EXOSC10: variants seen among roughly 807,000 people sequenced by gnomAD.
EXOSC10 encodes the protein exosome component 10.
EXOSC10 carries 94 observed loss-of-function variants against 126.6 expected under a neutral mutation model. The ratio of observed to expected loss-of-function variants is 0.74; its 90% CI spans 0.63 to 0.88. The LOEUF is 0.88. EXOSC10 is among the 40% of genes least tolerant of loss of function. The probability of loss-of-function intolerance (pLI) is 0.00; values close to 1 mark genes in which losing one functional copy is unlikely to be tolerated. For synonymous variants in EXOSC10, 395 were observed against 400.8 expected, an observed-to-expected ratio of 0.99 and a Z score of 0.17; for missense variants, 1,041 against 1,100.5, an observed-to-expected ratio of 0.95 and a Z score of 0.77.
At position 11,087,767 on chromosome 1, in the gene EXOSC10, TA is replaced by T. The variant is rs767127048; in HGVS notation, c.945+32del. 12 of 1,560,798 alleles carry T rather than the reference TA, an allele frequency of 7.7e-6. No homozygotes were observed. In the African/African-American group the frequency reaches 1.5e-4, roughly 20 times the overall value. ...CAACAGGTGAACTCACAGAAAAATG[TA>T]AAAATTTTACCCAGGGTCATTTATA... On this transcript the variant is annotated intron_variant, in intron 8 of 24. Transcript: ENST00000376936.
rs968535194 is a variant in EXOSC10 at position 11,077,599 on chromosome 1, A to G, written c.1800+2T>C. 1 of 1,613,770 alleles carries G rather than the reference A, an allele frequency of 6.2e-7. No homozygotes were observed. Among genetic ancestry groups the G allele is most frequent in the African/African-American group, 1.3e-5 (1 of 74,890 alleles). Reference sequence around the variant, plus strand: ...GGGGAGAAAACAGATCCGACACTCTACCTCAGCACTGGGCAGCGGTCCGCT... The same window carrying G: ...GGGGAGAAAACAGATCCGACACTCTGCCTCAGCACTGGGCAGCGGTCCGCT... On this transcript the variant is annotated splice_donor_variant, in intron 15 of 24. Transcript: ENST00000376936. LOFTEE classifies it high-confidence loss of function.
At chr1:11,070,625 C>T (rs1345119633) in intron 21 of EXOSC10, 1 of 382,964 alleles carries the variant, frequency 2.6e-6, no homozygotes, top group African/African-American at 2.1e-5. Flanking sequence ...CAAGCTTCAG[C>T]ACTGTAACCT....
At position 11,074,547 on chromosome 1, in the gene EXOSC10, G is replaced by C. The variant is rs1034609649; in HGVS notation, c.1987-221C>G. On this transcript the variant is annotated intron_variant, in intron 17 of 24. Transcript: ENST00000376936. The stretch of plus-strand genomic sequence containing the variant: ...CCTGCCTCAGCCTCCTGAGTAGCTG[G>C]GATTACAGGCACGTGCCACCATGCC... 9.0e-4 allele frequency among the ~76,000 whole-genome samples: 137 copies of C among 151,992 alleles called. 1 individual carries two copies. The highest frequency in any genetic ancestry group is 3.2e-3 in the African/African-American group (133 of 41,446).
chr1:11,090,935 A>T, intron 5 of EXOSC10, 79 bp downstream of exon 5: 1 of 1,466,954 alleles, frequency 6.8e-7, no homozygotes, highest in Non-Finnish European at 9.3e-7. Context: ...TGAACAAAGA[A>T]GAGAGACCTG....
At chr1:11,079,952 A>C (rs1640054140) in intron 13 of EXOSC10, 130 bp from the exon 14 acceptor site, 2 of 730,984 alleles carry the variant, frequency 2.7e-6, no homozygotes, top group Admixed American at 2.4e-5. Context: ...GTGACTAAGG[A>C]AACACTGATG....
In EXOSC10 at chr1:11,087,199, T is replaced by C. The variant is rs143708146; in HGVS notation, c.1089+249A>G. ...GTACAGTCATCAAGTCCAAACAATC[T>C]TGATGGCTGGGGCTCACTGCAGTAG... On this transcript the variant is annotated intron_variant, in intron 9 of 24. Transcript: ENST00000376936. 8.3e-3 allele frequency among the ~76,000 whole-genome samples: 1,263 copies of C among 152,324 alleles called. 25 individuals carry two copies. Among genetic ancestry groups the C allele is most frequent in the African/African-American group, 0.029 (1,196 of 41,572 alleles).
At chr1:11,089,886 G>C (rs1019905157) in intron 6 of EXOSC10, among the ~76,000 whole-genome samples, 2 of 152,104 alleles carry the variant, frequency 1.3e-5, no homozygotes, top group Non-Finnish European at 2.9e-5. Flanking sequence ...AAAGGCTGTA[G>C]TGAGCTGTGT....
In EXOSC10 at chr1:11,098,033, T is replaced by C. The variant is rs1480463170; in HGVS notation, c.235A>G (p.Arg79Gly). ...FQAFCETQGDRLLQCMSRVMQ... is the reference protein window; with the variant it reads ...FQAFCETQGDGLLQCMSRVMQ... ...TACAGTACTTACCACTGAAGCAACC[T>C]GTCTCCCTGTGTTTCGCAAAATGCT... Residue 79 changes from arginine (R) to glycine (G), a missense_variant, in exon 2 of 25, where the codon AGG (arginine) becomes GGG (glycine). Arg to Gly is a moderately radical substitution (Grantham distance 125, BLOSUM62 -2). This residue lies in a region of EXOSC10 where 645 missense variants were observed against 656.3 expected (regional missense o/e 0.98). Coordinates refer to ENST00000376936, the MANE Select transcript of EXOSC10 (RefSeq NM_001001998.3). The C allele has an allele frequency of 6.2e-7, 1 of 1,609,562 alleles. No homozygotes were observed.
chr1:11,077,919 A>G (rs1412545904), intron 14 of EXOSC10, among the ~76,000 whole-genome samples: 2 of 152,190 alleles, frequency 1.3e-5, no homozygotes, highest in Non-Finnish European at 2.9e-5. Context: ...TTCTCTAGTA[A>G]TCAAGGTCTC....
chr1:11,069,431 C>A lies in EXOSC10; in HGVS notation c.2488+128G>T, dbSNP rs561556949. On this transcript the variant is annotated intron_variant, in intron 22 of 24. Coordinates refer to ENST00000376936, the MANE Select transcript of EXOSC10 (RefSeq NM_001001998.3). ...ATTGCCACGGCCTCTCTGGACTACT[C>A]CAACAATTCCTGGCTAGCACCATGC... 549 of 1,133,916 alleles carry A rather than the reference C, an allele frequency of 4.8e-4. 4 individuals carry two copies. In the South Asian group the frequency reaches 6.2e-3, roughly 13 times the overall value. 70.2% of individuals were successfully genotyped at this position (1,133,916 alleles called of 1,614,324 possible). A position where few individuals can be genotyped will look rare whatever the true frequency, so the allele number is the denominator to read the frequency against.
At chr1:11,079,632 G>A in intron 14 of EXOSC10, 79 bp downstream of exon 14, 1 of 1,205,090 alleles carries the variant, frequency 8.3e-7, no homozygotes, top group South Asian at 1.3e-5. Flanking sequence ...GACCTGAAAT[G>A]ATCCAGCCAC....
In EXOSC10 at chr1:11,082,793, G is replaced by C; in HGVS notation, c.1175C>G (p.Ala392Gly). 6.2e-7 allele frequency: 1 copy of C among 1,614,186 alleles called. No individual in the cohort carries two copies. Among genetic ancestry groups the C allele is most frequent in the South Asian group, 1.1e-5 (1 of 91,080 alleles). Residue 392 changes from alanine (A) to glycine (G), a missense_variant, in exon 10 of 25, where the codon GCA becomes GGA. Around this residue, in one of 3 missense-constraint regions of EXOSC10, gnomAD observed 645 missense variants for 656.3 expected, o/e 0.98. Transcript: ENST00000376936. ...CCTGCCCAGGTTAAGAAGGCGTGCT[G>C]CCTGATGAGTATCAAACATGTTTAC... ...YVVNMFDTHQAARLLNLGRHS... is the reference protein window; with the variant it reads ...YVVNMFDTHQGARLLNLGRHS...
intron 19 of EXOSC10, chr1:11,073,007 AAAGT>A (rs1275243273): frequency 6.6e-6 from 1 of 152,262 alleles, no homozygotes; most frequent in Non-Finnish European, 1.5e-5. Flanking sequence ...TAAGAGCCTT[AAAGT>A]AACAGACATC....
At chr1:11,086,281 T>C (rs1169074803) in intron 9 of EXOSC10, among the ~76,000 whole-genome samples, 1 of 152,186 alleles carries the variant, frequency 6.6e-6, no homozygotes, top group African/African-American at 2.4e-5. Context: ...AGCTATTGAT[T>C]ATTGCCACAA....
chr1:11,069,260 G>GAGAGAGAGAGAGAGAGAGAGAGA (rs1557690891), intron 22 of EXOSC10, among the ~76,000 whole-genome samples: 12 of 118,820 alleles, frequency 1.0e-4, no homozygotes, highest in East Asian at 2.8e-4. Context: ...AGAGAGAGAG[G>GAGAGAGAGAGAGAGAGAGAGAGA]GTTTATGGGC....
At chr1:11,070,097 C>A (rs1639371261) in intron 21 of EXOSC10, among the ~76,000 whole-genome samples, 1 of 151,590 alleles carries the variant, frequency 6.6e-6, no homozygotes, top group East Asian at 1.9e-4. Flanking sequence ...TGTAGCTGGG[C>A]ATGGTGGTGC....
chr1:11,087,967 A>T, intron 7 of EXOSC10, 57 bp from the exon 8 acceptor site: 1 of 1,301,520 alleles, frequency 7.7e-7, no homozygotes, highest in Non-Finnish European at 1.1e-6. Flanking sequence ...CCCCCAGTAA[A>T]GTACAAAGTG....
At chr1:11,071,916 C>T in intron 20 of EXOSC10, 171 bp downstream of exon 20, 1 of 590,046 alleles carries the variant, frequency 1.7e-6, no homozygotes, top group Non-Finnish European at 3.0e-6. Flanking sequence ...TCTCTCTGCA[C>T]AGCACCTGCT....
In EXOSC10 at chr1:11,091,140, G is replaced by C. The variant is rs368318709; in HGVS notation, c.517C>G (p.Arg173Gly). 6.2e-7 allele frequency: 1 copy of C among 1,613,962 alleles called. No homozygotes were observed. The highest frequency in any genetic ancestry group is 8.5e-7 in the Non-Finnish European group (1 of 1,180,014). ...ATGATATTTTTTGCATGAAGCAGCC[G>C]GAAAGTTTCAGATTTTGCTTTTTTG... The part of the protein sequence containing the change: ...YGKKAKSETF[R>G]LLHAKNIIRP... The change falls in exon 5 of 25, where the codon CGG becomes GGG. Residue 173 changes from arginine (R) to glycine (G), a missense_variant. Transcript: ENST00000376936.
Sources: allele counts gnomAD v4.1 joint callset (sites outside exome capture counted in the v4.1 genomes callset), GRCh38; gene constraint gnomAD v4.1.1; regional missense constraint gnomAD v4.1.1; transcripts MANE v1.5; gene names NCBI Gene and HGNC (gene_info 2026-07-23, HGNC 2026-07-21).